Variants in NTM observed in about 807,000 individuals in gnomAD.
NTM encodes the protein IgLON family member 2.
Under a neutral mutation model 42.1 loss-of-function variants are expected in NTM, and 13 were observed. The observed-to-expected ratio is 0.31, with a 90% CI of 0.20 to 0.49. The LOEUF (loss-of-function observed/expected upper bound fraction) is 0.49. NTM is among the 20% of genes least tolerant of loss of function. The pLI is 0.99. For synonymous variants in NTM, 187 were observed against 179.2 expected, an observed-to-expected ratio of 1.04 and a Z score of -0.35; for missense variants, 373 against 452.8, an observed-to-expected ratio of 0.82 and a Z score of 1.60.
At chr11:131,987,901 A>T in intron 2 of NTM, among the ~76,000 whole-genome samples, 1 of 152,336 alleles carries the variant, frequency 6.6e-6, no homozygotes, top group East Asian at 1.9e-4. Flanking sequence ...GGAAACGCAG[A>T]GATGACTCAT....
intron 1 of NTM, among the ~76,000 whole-genome samples, chr11:131,833,161 G>A (rs764254666): frequency 1.4e-4 from 21 of 152,258 alleles, no homozygotes; most frequent in South Asian, 2.1e-4. Context: ...ACCTGTTCAC[G>A]TTTTCCTTAG....
intron 1 of NTM, among the ~76,000 whole-genome samples, chr11:131,512,951 C>T (rs928287295): frequency 2.6e-5 from 4 of 152,044 alleles, no homozygotes; most frequent in Non-Finnish European, 5.9e-5. Context: ...TTATTCAGTC[C>T]TACGCTTGGC....
intron 1 of NTM, among the ~76,000 whole-genome samples, chr11:131,837,268 C>A (rs1041902529): frequency 9.2e-5 from 14 of 152,292 alleles, no homozygotes; most frequent in Admixed American, 5.9e-4. Flanking sequence ...TCAAAAGGTA[C>A]CTCCTCTTCT....
intron 2 of NTM, among the ~76,000 whole-genome samples, chr11:132,094,459 G>T (rs1157529181): frequency 1.3e-5 from 2 of 152,050 alleles, no homozygotes; most frequent in Non-Finnish European, 2.9e-5. Flanking sequence ...GTGGCTACTC[G>T]GGTGTCTCTC....
intron 1 of NTM, among the ~76,000 whole-genome samples, chr11:131,553,667 C>A (rs770810894): frequency 6.6e-6 from 1 of 152,212 alleles, no homozygotes; most frequent in Non-Finnish European, 1.5e-5. Flanking sequence ...TATATTACGG[C>A]AACATTTCCC....
intron 1 of NTM, among the ~76,000 whole-genome samples, chr11:131,873,993 T>A (rs932896407): frequency 8.1e-6 from 1 of 123,662 alleles, no homozygotes; most frequent in Admixed American, 1.1e-4. Flanking sequence ...ATTATATATA[T>A]TATATTTACA....
At chr11:132,334,843 A>G (rs1428158394) in intron 8 of NTM, among the ~76,000 whole-genome samples, 1 of 151,642 alleles carries the variant, frequency 6.6e-6, no homozygotes, top group Admixed American at 6.6e-5. Context: ...TTGCAGGGGA[A>G]GGCTTCCCGT....
chr11:132,113,945 C>T (rs947203371), intron 2 of NTM, among the ~76,000 whole-genome samples: 7 of 152,154 alleles, frequency 4.6e-5, no homozygotes, highest in Non-Finnish European at 7.4e-5. Flanking sequence ...ACCCATGCTG[C>T]GGCTCTTTCC....
intron 1 of NTM, among the ~76,000 whole-genome samples, chr11:131,488,671 A>G (rs1327050550): frequency 1.3e-5 from 2 of 152,160 alleles, no homozygotes; most frequent in African/African-American, 2.4e-5. Flanking sequence ...CCTTCTCACT[A>G]TAGCAATTCA....
intron 2 of NTM, among the ~76,000 whole-genome samples, chr11:131,977,441 C>A (rs1474072860): frequency 6.6e-6 from 1 of 152,224 alleles, no homozygotes; most frequent in East Asian, 1.9e-4. Context: ...TGGGCTCCAC[C>A]AATCACTCAG....
intron 1 of NTM, among the ~76,000 whole-genome samples, chr11:131,553,872 C>T (rs947654848): frequency 6.6e-6 from 1 of 152,140 alleles, no homozygotes; most frequent in Non-Finnish European, 1.5e-5. Flanking sequence ...ATCTACAACC[C>T]GTTGCCCATA....
At chr11:131,659,670 G>A (rs1304924129) in intron 1 of NTM, among the ~76,000 whole-genome samples, 2 of 152,116 alleles carry the variant, frequency 1.3e-5, no homozygotes, top group South Asian at 2.1e-4. Flanking sequence ...TCTTTACCTC[G>A]AACCCTCTCC....
At chr11:131,869,179 G>A (rs2047519916) in intron 1 of NTM, among the ~76,000 whole-genome samples, 1 of 151,758 alleles carries the variant, frequency 6.6e-6, no homozygotes, top group Non-Finnish European at 1.5e-5. Flanking sequence ...TTTTTAATGT[G>A]TGTGCTATCC....
chr11:131,871,487 A>T (rs2047777141), intron 1 of NTM, among the ~76,000 whole-genome samples: 1 of 152,206 alleles, frequency 6.6e-6, no homozygotes, highest in African/African-American at 2.4e-5. Flanking sequence ...AGCATGACTG[A>T]ATGTTATTAT....
At chr11:131,969,721 T>C (rs2063291327) in intron 2 of NTM, among the ~76,000 whole-genome samples, 1 of 152,254 alleles carries the variant, frequency 6.6e-6, no homozygotes. Flanking sequence ...GCTATAAATT[T>C]TGACAATGAT....
At chr11:131,814,064 A>C (rs2092848212) in intron 1 of NTM, among the ~76,000 whole-genome samples, 1 of 152,158 alleles carries the variant, frequency 6.6e-6, no homozygotes, top group Non-Finnish European at 1.5e-5. Context: ...GCATTGACTG[A>C]ACCACAACCT....
At chr11:131,913,388 A>T (rs773684883) in intron 2 of NTM, among the ~76,000 whole-genome samples, 23 of 152,078 alleles carry the variant, frequency 1.5e-4, no homozygotes, top group Non-Finnish European at 2.5e-4. Context: ...GAAGATAAAT[A>T]AACAGGAAGT....
rs992417370 is a variant in NTM, at chr11:132,213,898, C to G, written c.526+1751C>G. 3.4e-5 allele frequency among the ~76,000 whole-genome samples: 4 copies of G among 116,808 alleles called. 1 individual carries two copies. Among genetic ancestry groups the G allele is most frequent in the African/African-American group, 8.9e-5 (3 of 33,676 alleles). 76.6% of individuals were successfully genotyped at this position (116,808 alleles called of 152,430 possible). ...TACAGGCGCCCGCCACTACGCCCGG[C>G]TAATTTTTTGTATTTTTAGTAGAGA... On this transcript the variant is annotated intron_variant, in intron 4 of 8. Transcript: ENST00000683400.
intron 1 of NTM, among the ~76,000 whole-genome samples, chr11:131,667,687 G>C (rs901714800): frequency 6.6e-6 from 1 of 152,196 alleles, no homozygotes; most frequent in African/African-American, 2.4e-5. Context: ...AATAGCCCAG[G>C]AGTGAAACGT....
Sources: allele counts gnomAD v4.1 joint callset (sites outside exome capture counted in the v4.1 genomes callset), GRCh38; gene constraint gnomAD v4.1.1; transcripts MANE v1.5; gene names NCBI Gene and HGNC (gene_info 2026-07-23, HGNC 2026-07-21).